The following MRTFB variants were observed in gnomAD, a reference collection of about 807,000 sequenced individuals.
MRTFB encodes the protein myocardin related transcription factor B, also known as myocardin-related transcription factor B.
Under a neutral mutation model 104.2 loss-of-function variants are expected in MRTFB, and 29 were observed. The observed-to-expected ratio is 0.28, with a 90% CI of 0.21 to 0.38. MRTFB has a LOEUF of 0.38. MRTFB is among the 10% of genes least tolerant of loss of function. The probability of loss-of-function intolerance (pLI) is 1.00; values close to 1 mark genes in which losing one functional copy is unlikely to be tolerated. For synonymous variants in MRTFB, 535 were observed against 519.5 expected (o/e 1.03, Z -0.41); for missense variants, 1,270 against 1,341.6 (o/e 0.95, Z 0.83).
At chr16:14,013,938 C>T in the MRTFB span, among the ~76,000 whole-genome samples, 2 of 152,180 alleles carry the variant, frequency 1.3e-5, no homozygotes, top group African/African-American at 4.8e-5. Context: ...ACCTCCCACG[C>T]CTGAACAACT....
intron 3 of MRTFB, among the ~76,000 whole-genome samples, chr16:14,154,729 G>C (rs1284220003): frequency 6.6e-6 from 1 of 152,180 alleles, no homozygotes; most frequent in Non-Finnish European, 1.5e-5. Flanking sequence ...GGTTCAACTA[G>C]GGAAGGGTTC....
rs562148754 is a variant in MRTFB, at chr16:14,264,525, G to T, written c.*3081G>T. 1.3e-5 allele frequency: 2 copies of T among 152,266 alleles called. No individual in the cohort carries two copies. Among genetic ancestry groups the T allele is most frequent in the African/African-American group, 4.8e-5 (2 of 41,544 alleles). 9.4% of individuals were successfully genotyped at this position (152,266 alleles called of 1,614,324 possible). On this transcript the variant is annotated 3_prime_UTR_variant, in exon 17 of 17. Coordinates refer to ENST00000571589, the MANE Select transcript of MRTFB (RefSeq NM_001308142.2). ...TACTGTATAGTATTGCCACATAATT[G>T]TACATAGATGTATTCTGAATTTGTG... is the stretch of plus-strand genomic sequence containing the variant.
rs140494967 is a variant in MRTFB, at chr16:14,261,347, A to C, written c.3203A>C (p.Asn1068Thr). The change falls in exon 17 of 17, where the codon AAC becomes ACC. Residue 1068 changes from asparagine (N) to threonine (T), a missense_variant. Physicochemically the swap from Asn to Thr is moderately conservative, Grantham distance 65. Transcript: ENST00000571589. ...GAGTGGTTGGACATTACCATGCCCAACTCCTCTTCAGGACTCACTCCTCTC... is the reference window on the plus strand; with the variant it reads ...GAGTGGTTGGACATTACCATGCCCACCTCCTCTTCAGGACTCACTCCTCTC... ...NMEWLDITMPNSSSGLTPLST... is the reference protein window; with the variant it reads ...NMEWLDITMPTSSSGLTPLST... The C allele has an allele frequency of 1.1e-5, 17 of 1,612,816 alleles. No homozygotes were observed. The Admixed American group carries it at 2.5e-4, about 24-fold the overall frequency.
At chr16:14,194,223 T>C (rs1024323768) in intron 3 of MRTFB, among the ~76,000 whole-genome samples, 1 of 152,226 alleles carries the variant, frequency 6.6e-6, no homozygotes, top group African/African-American at 2.4e-5. Flanking sequence ...ACCGGTGGAC[T>C]ACCTGGCTTA....
At chr16:14,149,217 T>C (rs1261947465) in intron 3 of MRTFB, 1 of 152,240 alleles carries the variant, frequency 6.6e-6, no homozygotes, top group Non-Finnish European at 1.5e-5. Context: ...CCAAAATTCA[T>C]ATTTTTATGG....
chr16:14,234,022 T>C (rs1041328444), intron 8 of MRTFB, 124 bp from the exon 9 acceptor site: 2 of 1,180,730 alleles, frequency 1.7e-6, no homozygotes, highest in African/African-American at 3.1e-5. Context: ...GACATAATCA[T>C]ATATTTTTCC....
rs117138432 is a variant in MRTFB at position 14,130,240 on chromosome 16, C to A, written c.-63-10304C>A. On this transcript the variant is annotated intron_variant, in intron 2 of 16. Transcript: ENST00000571589. ...TATCAAATAATTGATTTGCAAAATG[C>A]CACAGAATCCTTTGTTCTTACTAAG... Among the ~76,000 whole-genome samples, 6 of 152,182 alleles carry A rather than the reference C, an allele frequency of 3.9e-5. No homozygotes were observed. In the East Asian group the frequency reaches 1.2e-3, roughly 29 times the overall value.
the MRTFB span, among the ~76,000 whole-genome samples, chr16:14,026,424 A>G: frequency 6.6e-6 from 1 of 152,252 alleles, no homozygotes; most frequent in Non-Finnish European, 1.5e-5. Context: ...GCATAGATAT[A>G]AAACATAAAA....
intron 15 of MRTFB, among the ~76,000 whole-genome samples, chr16:14,254,784 G>C (rs894150658): frequency 1.3e-5 from 2 of 152,212 alleles, no homozygotes; most frequent in African/African-American, 4.8e-5. Flanking sequence ...TCCATAACAT[G>C]CATCATACAA....
At chr16:14,187,895 A>G (rs1297304348) in intron 3 of MRTFB, among the ~76,000 whole-genome samples, 2 of 151,992 alleles carry the variant, frequency 1.3e-5, no homozygotes, top group African/African-American at 2.4e-5. Flanking sequence ...AAAACCCACA[A>G]TCCCCCTTTT....
the MRTFB span, among the ~76,000 whole-genome samples, chr16:14,002,448 C>G: frequency 6.6e-6 from 1 of 150,766 alleles, no homozygotes; most frequent in Non-Finnish European, 1.5e-5. Context: ...CTAGCACCAA[C>G]TTGAGACTCG....
chr16:14,051,106 A>T, the MRTFB span, among the ~76,000 whole-genome samples: 1 of 151,980 alleles, frequency 6.6e-6, no homozygotes, highest in South Asian at 2.1e-4. Flanking sequence ...ACACACACAA[A>T]CTCACAAACA....
intron 3 of MRTFB, among the ~76,000 whole-genome samples, chr16:14,186,308 C>G (rs2039950504): frequency 6.6e-6 from 1 of 152,228 alleles, no homozygotes; most frequent in African/African-American, 2.4e-5. Flanking sequence ...CAGTGTGTGC[C>G]TCTGCTGAGA....
At chr16:14,039,906 G>A in the MRTFB span, among the ~76,000 whole-genome samples, 9 of 151,606 alleles carry the variant, frequency 5.9e-5, no homozygotes, top group Admixed American at 2.0e-4. Flanking sequence ...GCACCACCAC[G>A]CCTGTCTAAT....
At chr16:14,055,450 G>A in the MRTFB span, among the ~76,000 whole-genome samples, 3 of 152,204 alleles carry the variant, frequency 2.0e-5, no homozygotes, top group Admixed American at 6.5e-5. Context: ...CTAATGACCT[G>A]TTTCTGTCCA....
At chr16:14,064,178 G>A in the MRTFB span, among the ~76,000 whole-genome samples, 1 of 152,160 alleles carries the variant, frequency 6.6e-6, no homozygotes, top group Non-Finnish European at 1.5e-5. Flanking sequence ...TCTGACTGGT[G>A]TGAGATGGTA....
intron 2 of MRTFB, among the ~76,000 whole-genome samples, chr16:14,132,330 T>C (rs989277732): frequency 3.4e-4 from 51 of 151,880 alleles, no homozygotes; most frequent in African/African-American, 9.9e-4. Context: ...TTTTTTTAGA[T>C]GAGAATGTTC....
At chr16:14,106,481 G>A (rs1310006589) in intron 2 of MRTFB, among the ~76,000 whole-genome samples, 2 of 152,064 alleles carry the variant, frequency 1.3e-5, no homozygotes, top group African/African-American at 4.8e-5. Context: ...TGGGCTGATC[G>A]AGTGTAGACT....
At chr16:14,096,574 C>G (rs996319420) in intron 2 of MRTFB, among the ~76,000 whole-genome samples, 1 of 152,146 alleles carries the variant, frequency 6.6e-6, no homozygotes, top group African/African-American at 2.4e-5. Flanking sequence ...TGGATGCCCT[C>G]GAGTAGCTGT....
Sources: gnomAD v4.1 joint callset for allele counts (sites outside exome capture counted in the v4.1 genomes callset) on GRCh38, gnomAD v4.1.1 for gene constraint, MANE v1.5 for transcripts, NCBI Gene and HGNC (gene_info 2026-07-23, HGNC 2026-07-21) for gene names.